The following PCDH15 variants were observed in gnomAD, a reference collection of about 807,000 sequenced individuals.
PCDH15 encodes protocadherin-15.
In PCDH15, 129 loss-of-function variants were observed where a neutral mutation model predicts 178.5. The observed-to-expected ratio is 0.72, with a 90% CI of 0.63 to 0.84. The LOEUF (loss-of-function observed/expected upper bound fraction) is 0.84. Among genes scored for constraint, PCDH15 ranks in the 40% least tolerant of loss-of-function variants. PCDH15 has a pLI of 0.00. For synonymous variants in PCDH15, 800 were observed against 732.0 expected (o/e 1.09, Z -1.50); for missense variants, 2,230 against 2,099.9 (o/e 1.06, Z -1.21).
intron 2 of PCDH15, among the ~76,000 whole-genome samples, chr10:55,571,552 A>G (rs1247377152): frequency 6.6e-6 from 1 of 152,096 alleles, no homozygotes; most frequent in East Asian, 1.9e-4. Flanking sequence ...TTACACATCA[A>G]TGTGTACCAT....
chr10:55,345,449 A>G (rs1255155508), intron 2 of PCDH15, among the ~76,000 whole-genome samples: 1 of 152,012 alleles, frequency 6.6e-6, no homozygotes, highest in Non-Finnish European at 1.5e-5. Flanking sequence ...TGTGAGAATA[A>G]CTATATAGCA....
At chr10:54,933,881 C>T (rs1260001038) in intron 2 of PCDH15, among the ~76,000 whole-genome samples, 1 of 152,106 alleles carries the variant, frequency 6.6e-6, no homozygotes, top group East Asian at 1.9e-4. Flanking sequence ...ATTGCTTTAG[C>T]ACTTGTTCCT....
rs372728944 is a variant in PCDH15, at chr10:54,879,926, T to C, written c.-29+17524A>G. 8.0e-4 allele frequency among the ~76,000 whole-genome samples: 122 copies of C among 152,168 alleles called. 2 individuals carry two copies. In the South Asian group the frequency reaches 0.025, roughly 31 times the overall value. On this transcript the variant is annotated intron_variant, in intron 3 of 5. Coordinates refer to the PCDH15 transcript ENST00000458638. ...AATGTTAACATTTTTCCATATTAGC[T>C]TCAAATCTCATTAAAAGTAAAAGAA...
intron 2 of PCDH15, among the ~76,000 whole-genome samples, chr10:54,597,350 G>A (rs2092291868): frequency 6.6e-6 from 1 of 152,068 alleles, no homozygotes; most frequent in Non-Finnish European, 1.5e-5. Context: ...AATGACTTTT[G>A]GGTAAATAAT....
intron 29 of PCDH15, among the ~76,000 whole-genome samples, chr10:53,832,883 G>GT (rs1564567138): frequency 6.6e-6 from 1 of 151,992 alleles, no homozygotes; most frequent in South Asian, 2.1e-4. Flanking sequence ...CATCACATAT[G>GT]TAACTCATAA....
At chr10:53,949,467 A>G (rs1022550386) in intron 23 of PCDH15, among the ~76,000 whole-genome samples, 14 of 152,288 alleles carry the variant, frequency 9.2e-5, no homozygotes, top group Non-Finnish European at 2.1e-4. Context: ...TTTCCAAACT[A>G]TTGTTCATCT....
At chr10:54,721,554 T>C (rs58302191) in intron 1 of PCDH15, among the ~76,000 whole-genome samples, 18,518 of 151,652 alleles carry the variant, frequency 0.12, 1,258 homozygotes, top group African/African-American at 0.17. Context: ...AAACTGATAC[T>C]ACAGAAATAC....
intron 5 of PCDH15, among the ~76,000 whole-genome samples, chr10:54,352,257 C>T (rs1944298635): frequency 1.3e-5 from 2 of 152,114 alleles, no homozygotes; most frequent in Admixed American, 1.3e-4. Context: ...AATGATTAAA[C>T]AGAAACCATA....
At chr10:55,084,266 C>T (rs1303246780) in intron 2 of PCDH15, among the ~76,000 whole-genome samples, 4 of 151,594 alleles carry the variant, frequency 2.6e-5, no homozygotes, top group Admixed American at 2.6e-4. Context: ...ATAGAAGACA[C>T]AGAAAGAAAT....
At chr10:54,131,592 A>G (rs1385629233) in intron 15 of PCDH15, among the ~76,000 whole-genome samples, 2 of 152,136 alleles carry the variant, frequency 1.3e-5, no homozygotes, top group Admixed American at 1.3e-4. Context: ...ATTTTGTTTC[A>G]ATATTAAATG....
chr10:54,620,880 A>T (rs1360716883), intron 2 of PCDH15, among the ~76,000 whole-genome samples: 1 of 152,026 alleles, frequency 6.6e-6, no homozygotes, highest in Non-Finnish European at 1.5e-5. Context: ...CTGTGTATAA[A>T]ACACTCTACC....
intron 2 of PCDH15, among the ~76,000 whole-genome samples, chr10:55,086,720 C>G (rs1842179686): frequency 2.0e-5 from 3 of 152,016 alleles, no homozygotes; most frequent in Non-Finnish European, 2.9e-5. Flanking sequence ...GACACACAGT[C>G]AATTTCCTGT....
chr10:55,379,402 T>TA (rs766439669), intron 2 of PCDH15, among the ~76,000 whole-genome samples: 5 of 152,228 alleles, frequency 3.3e-5, no homozygotes, highest in Non-Finnish European at 5.9e-5. Flanking sequence ...TGAATCAGTA[T>TA]AAAAAATCAT....
chr10:55,471,522 G>A (rs1033002481), intron 2 of PCDH15, among the ~76,000 whole-genome samples: 1 of 152,080 alleles, frequency 6.6e-6, no homozygotes, highest in Non-Finnish European at 1.5e-5. Context: ...AATTTGTAAT[G>A]TTTTTGATGT....
intron 2 of PCDH15, among the ~76,000 whole-genome samples, chr10:55,456,580 T>C (rs1035244012): frequency 3.3e-5 from 5 of 152,044 alleles, no homozygotes; most frequent in South Asian, 4.1e-4. Flanking sequence ...TTTAAATAGG[T>C]GGGAAGAAAA....
chr10:55,494,805 C>T (rs1840496045), intron 2 of PCDH15, among the ~76,000 whole-genome samples: 1 of 151,684 alleles, frequency 6.6e-6, no homozygotes, highest in Admixed American at 6.6e-5. Flanking sequence ...TTCATATAAT[C>T]TTATGTGCAT....
chr10:54,069,136 A>G (rs990845042), intron 17 of PCDH15, among the ~76,000 whole-genome samples: 2 of 152,170 alleles, frequency 1.3e-5, no homozygotes, highest in Admixed American at 6.5e-5. Context: ...GTAGTTCCCA[A>G]TTTGCCTGAG....
chr10:54,369,094 C>T, intron 5 of PCDH15, 26 bp downstream of exon 5: 1 of 1,610,850 alleles, frequency 6.2e-7, no homozygotes, highest in Non-Finnish European at 8.5e-7. Flanking sequence ...ACAGAAAGGA[C>T]AGAGAGAGAG....
intron 2 of PCDH15, among the ~76,000 whole-genome samples, chr10:55,515,671 CTTAAGAA>C (rs1221571070): frequency 6.6e-6 from 1 of 151,666 alleles, no homozygotes; most frequent in East Asian, 1.9e-4. Flanking sequence ...CTAAATAACT[CTTAAGAA>C]TGAAGAAAAT....
Sources: allele counts gnomAD v4.1 joint callset (sites outside exome capture counted in the v4.1 genomes callset), GRCh38; gene constraint gnomAD v4.1.1; transcripts MANE v1.5; gene names NCBI Gene and HGNC (gene_info 2026-07-23, HGNC 2026-07-21).